NRXN3: variants seen among roughly 807,000 people sequenced by gnomAD.
The protein encoded by NRXN3 is neurexin 3.
In NRXN3, 32 loss-of-function variants were observed where a neutral mutation model predicts 137.6. That is an observed-to-expected ratio of 0.23 (90% CI 0.18 to 0.31). The LOEUF (loss-of-function observed/expected upper bound fraction) is 0.31, where lower values mean the gene tolerates loss of function less well. NRXN3 is among the 10% of genes least tolerant of loss of function. The pLI, the probability that NRXN3 is intolerant of heterozygous loss-of-function variation, is 1.00. For missense variants in NRXN3, 1,574 were observed against 2,062.5 expected (o/e 0.76, Z 4.59); for synonymous variants, 798 against 784.5 (o/e 1.02, Z -0.29).
chr14:79,265,231 C>CT (rs936690790), intron 15 of NRXN3, among the ~76,000 whole-genome samples: 14,787 of 91,746 alleles, frequency 0.16, 1,043 homozygotes, highest in African/African-American at 0.23. Flanking sequence ...GGGGGTTGCT[C>CT]TTTTTTTTTT....
intron 6 of NRXN3, among the ~76,000 whole-genome samples, chr14:78,656,148 T>C (rs1265807310): frequency 6.6e-6 from 1 of 152,124 alleles, no homozygotes; most frequent in African/African-American, 2.4e-5. Flanking sequence ...TGCCAAGGAC[T>C]GTGCTAAAAT....
At chr14:78,722,466 G>T (rs1196009687) in intron 8 of NRXN3, among the ~76,000 whole-genome samples, 2 of 152,200 alleles carry the variant, frequency 1.3e-5, no homozygotes, top group Non-Finnish European at 2.9e-5. Flanking sequence ...AACACAAGGG[G>T]ATTGTTGCAG....
intron 8 of NRXN3, among the ~76,000 whole-genome samples, chr14:78,733,205 T>C (rs991606192): frequency 7.9e-5 from 12 of 152,154 alleles, no homozygotes; most frequent in Non-Finnish European, 1.3e-4. Flanking sequence ...GGACCATGCC[T>C]GCTGCACTAT....
chr14:79,718,964 A>G (rs1232592937), intron 19 of NRXN3, among the ~76,000 whole-genome samples: 1 of 151,978 alleles, frequency 6.6e-6, no homozygotes, highest in Non-Finnish European at 1.5e-5. Flanking sequence ...ACTCTTGATC[A>G]GCACCTATTT....
chr14:78,469,183 T>A (rs2095202113), intron 4 of NRXN3, among the ~76,000 whole-genome samples: 1 of 152,170 alleles, frequency 6.6e-6, no homozygotes, highest in African/African-American at 2.4e-5. Context: ...CCTGGTATTT[T>A]TTTTAATATT....
chr14:78,220,683 T>C (rs904302227), intron 1 of NRXN3, among the ~76,000 whole-genome samples: 2 of 151,964 alleles, frequency 1.3e-5, no homozygotes, highest in African/African-American at 2.4e-5. Context: ...GGGGAGCCTA[T>C]AGAGGTTCAA....
intron 15 of NRXN3, among the ~76,000 whole-genome samples, chr14:79,203,372 G>A (rs1353116188): frequency 6.6e-6 from 1 of 152,168 alleles, no homozygotes; most frequent in Non-Finnish European, 1.5e-5. Context: ...ATACCTCCAG[G>A]TTTTGTGGCA....
intron 4 of NRXN3, among the ~76,000 whole-genome samples, chr14:78,393,970 C>T (rs2091120784): frequency 6.6e-6 from 1 of 152,012 alleles, no homozygotes; most frequent in African/African-American, 2.4e-5. Context: ...GCTGAACTCA[C>T]ATATTGGTTC....
intron 8 of NRXN3, among the ~76,000 whole-genome samples, chr14:78,766,845 T>C (rs1366295431): frequency 6.6e-6 from 1 of 152,182 alleles, no homozygotes; most frequent in African/African-American, 2.4e-5. Context: ...CTCACTCTCC[T>C]CATCTTTTAA....
intron 14 of NRXN3, among the ~76,000 whole-genome samples, chr14:78,974,237 G>C (rs1186201329): frequency 1.3e-5 from 2 of 152,254 alleles, no homozygotes; most frequent in Middle Eastern, 3.4e-3. Flanking sequence ...GAGAGAGAAG[G>C]GGGCAGGACT....
intron 19 of NRXN3, among the ~76,000 whole-genome samples, chr14:79,743,831 G>C (rs1382774544): frequency 2.0e-5 from 3 of 152,094 alleles, no homozygotes; most frequent in Admixed American, 1.3e-4. Flanking sequence ...GCAGACTCTG[G>C]CTTAATTGGA....
chr14:79,167,290 A>AC (rs1441694589), intron 15 of NRXN3, among the ~76,000 whole-genome samples: 1 of 152,022 alleles, frequency 6.6e-6, no homozygotes, highest in Non-Finnish European at 1.5e-5. Context: ...GTGACCACTG[A>AC]CCCACTTACA....
intron 6 of NRXN3, among the ~76,000 whole-genome samples, chr14:78,698,503 A>AAGGCTCTG (rs1219211064): frequency 1.3e-5 from 2 of 151,762 alleles, no homozygotes; most frequent in South Asian, 2.1e-4. Flanking sequence ...AGAGAGGATG[A>AAGGCTCTG]AGGCTCTGAG....
chr14:79,566,042 G>T (rs1295507677), intron 16 of NRXN3, among the ~76,000 whole-genome samples: 4 of 152,016 alleles, frequency 2.6e-5, no homozygotes, highest in East Asian at 1.9e-4. Context: ...ATCTTTTTCT[G>T]GGGGGCAGGA....
intron 2 of NRXN3, among the ~76,000 whole-genome samples, chr14:78,244,011 A>G (rs1264951854): frequency 6.6e-6 from 1 of 152,180 alleles, no homozygotes; most frequent in Non-Finnish European, 1.5e-5. Context: ...CTGACCCCTG[A>G]ACCCTGGGCT....
chr14:79,016,831 C>T (rs2152423266), intron 15 of NRXN3, among the ~76,000 whole-genome samples: 1 of 152,222 alleles, frequency 6.6e-6, no homozygotes. Context: ...ACTGTAACGT[C>T]AAGAGAGAAT....
At chr14:79,562,464 T>A (rs2153780811) in intron 16 of NRXN3, among the ~76,000 whole-genome samples, 1 of 152,294 alleles carries the variant, frequency 6.6e-6, no homozygotes, top group South Asian at 2.1e-4. Flanking sequence ...CCATAAGAAC[T>A]ACCAGTCTGT....
intron 16 of NRXN3, among the ~76,000 whole-genome samples, chr14:79,507,931 T>G (rs2096893812): frequency 6.6e-6 from 1 of 152,174 alleles, no homozygotes; most frequent in African/African-American, 2.4e-5. Context: ...CCAGGCACAT[T>G]CACCTTGATT....
chr14:78,478,909 T>G (rs2095424656), intron 4 of NRXN3, among the ~76,000 whole-genome samples: 1 of 152,220 alleles, frequency 6.6e-6, no homozygotes, highest in Non-Finnish European at 1.5e-5. Context: ...AAGTTAGATG[T>G]GTCTCTTTTT....
Sources: gnomAD v4.1 joint callset for allele counts (sites outside exome capture counted in the v4.1 genomes callset) on GRCh38, gnomAD v4.1.1 for gene constraint, MANE v1.5 for transcripts, NCBI Gene and HGNC (gene_info 2026-07-23, HGNC 2026-07-21) for gene names.